DCC: variants seen among roughly 807,000 people sequenced by gnomAD.
DCC encodes DCC netrin 1 receptor.
A neutral mutation model predicts 172.5 loss-of-function variants in DCC; 58 were observed. The ratio of observed to expected loss-of-function variants is 0.34; its 90% CI spans 0.27 to 0.42. The LOEUF is 0.42. Among genes scored for constraint, DCC ranks in the 10% least tolerant of loss-of-function variants. The probability of loss-of-function intolerance (pLI) is 1.00; values close to 1 mark genes in which losing one functional copy is unlikely to be tolerated. For missense variants in DCC, 1,740 were observed against 1,791.0 expected (o/e 0.97, Z 0.51); for synonymous variants, 709 against 644.5 (o/e 1.10, Z -1.52).
chr18:53,235,520 A>G (rs909760228), intron 12 of DCC, among the ~76,000 whole-genome samples: 2 of 152,170 alleles, frequency 1.3e-5, no homozygotes, highest in Non-Finnish European at 2.9e-5. Flanking sequence ...TTGACAGAGA[A>G]AACTATGAAA....
At chr18:52,803,450 T>C (rs200022135) in intron 2 of DCC, among the ~76,000 whole-genome samples, 2 of 152,322 alleles carry the variant, frequency 1.3e-5, no homozygotes, top group Middle Eastern at 3.4e-3. Context: ...CTGCATTCTG[T>C]TTACATTTCT....
intron 2 of DCC, among the ~76,000 whole-genome samples, chr18:52,788,880 G>A (rs772613754): frequency 1.3e-5 from 2 of 152,116 alleles, no homozygotes; most frequent in Non-Finnish European, 2.9e-5. Flanking sequence ...GGAGAAGAGA[G>A]TATGGTAATT....
At chr18:53,362,104 C>T (rs2057954185) in intron 15 of DCC, among the ~76,000 whole-genome samples, 2 of 152,034 alleles carry the variant, frequency 1.3e-5, no homozygotes, top group South Asian at 2.1e-4. Flanking sequence ...TAATTAAATT[C>T]TCAACTGTTA....
chr18:53,206,096 T>A (rs1357648633), intron 10 of DCC, among the ~76,000 whole-genome samples: 2 of 121,506 alleles, frequency 1.6e-5, no homozygotes, highest in Non-Finnish European at 3.6e-5. Flanking sequence ...CGTATATGTA[T>A]TATACATGTA....
chr18:53,013,350 T>C (rs2041758877), intron 5 of DCC, among the ~76,000 whole-genome samples: 1 of 152,068 alleles, frequency 6.6e-6, no homozygotes, highest in South Asian at 2.1e-4. Flanking sequence ...ATATATACCA[T>C]GGAATACTAC....
chr18:52,427,815 T>TTC (rs1987481005), intron 1 of DCC, among the ~76,000 whole-genome samples: 2 of 113,058 alleles, frequency 1.8e-5, no homozygotes, highest in Non-Finnish European at 3.4e-5. Flanking sequence ...TTTCTTCCTT[T>TTC]CTTCCTTCCT....
chr18:52,474,050 T>C (rs1331186122), intron 1 of DCC, among the ~76,000 whole-genome samples: 1 of 152,136 alleles, frequency 6.6e-6, no homozygotes, highest in Non-Finnish European at 1.5e-5. Flanking sequence ...TCAAGTGATA[T>C]AATGCTGCTA....
At chr18:52,512,008 A>C (rs927132110) in intron 1 of DCC, among the ~76,000 whole-genome samples, 8 of 152,206 alleles carry the variant, frequency 5.3e-5, no homozygotes, top group Admixed American at 5.2e-4. Flanking sequence ...CTGAATAAAT[A>C]ACACAAAGAC....
intron 25 of DCC, among the ~76,000 whole-genome samples, chr18:53,479,143 G>GAATA (rs991022147): frequency 1.3e-5 from 2 of 152,152 alleles, no homozygotes; most frequent in Non-Finnish European, 2.9e-5. Context: ...AGAACTGTAG[G>GAATA]AACGGTGGTG....
At chr18:52,748,929 G>T (rs1167135478) in intron 1 of DCC, among the ~76,000 whole-genome samples, 1 of 152,218 alleles carries the variant, frequency 6.6e-6, no homozygotes, top group Non-Finnish European at 1.5e-5. Flanking sequence ...GGACCCATTG[G>T]CTCATGCCTG....
At chr18:52,893,194 G>T (rs1330984068) in intron 2 of DCC, among the ~76,000 whole-genome samples, 1 of 151,862 alleles carries the variant, frequency 6.6e-6, no homozygotes, top group Non-Finnish European at 1.5e-5. Flanking sequence ...TAAAGATTTT[G>T]AATATAGCAC....
At chr18:53,499,004 T>A (rs114905589) in intron 26 of DCC, among the ~76,000 whole-genome samples, 1 of 152,330 alleles carries the variant, frequency 6.6e-6, no homozygotes, top group South Asian at 2.1e-4. Context: ...TCATCACTTA[T>A]GATTAGAGGG....
At chr18:52,498,645 T>TAATAA (rs1210769157) in intron 1 of DCC, among the ~76,000 whole-genome samples, 1 of 151,888 alleles carries the variant, frequency 6.6e-6, no homozygotes, top group African/African-American at 2.4e-5. Context: ...AAATAACATA[T>TAATAA]AATAAAATAA....
At chr18:52,747,954 G>T (rs867980477) in intron 1 of DCC, among the ~76,000 whole-genome samples, 1 of 152,196 alleles carries the variant, frequency 6.6e-6, no homozygotes, top group African/African-American at 2.4e-5. Context: ...AACACGCAGC[G>T]CTCCTGCCTG....
chr18:52,342,688 C>T (rs1011788353), intron 1 of DCC, among the ~76,000 whole-genome samples: 2 of 152,132 alleles, frequency 1.3e-5, no homozygotes, highest in Admixed American at 1.3e-4. Context: ...CACTGCTGAC[C>T]TGAAATGTGC....
At chr18:52,717,490 C>A (rs750171974) in intron 1 of DCC, among the ~76,000 whole-genome samples, 2 of 150,170 alleles carry the variant, frequency 1.3e-5, no homozygotes, top group Admixed American at 6.6e-5. Context: ...TCTGCTACCC[C>A]CAGCCCAGTG....
intron 27 of DCC, among the ~76,000 whole-genome samples, chr18:53,512,253 G>C (rs994200133): frequency 6.6e-5 from 10 of 150,864 alleles, no homozygotes; most frequent in Non-Finnish European, 1.5e-4. Flanking sequence ...TGAGGGTCCT[G>C]TCTGTTAGAA....
intron 1 of DCC, among the ~76,000 whole-genome samples, chr18:52,390,434 C>T (rs1440806661): frequency 1.3e-5 from 2 of 151,992 alleles, no homozygotes; most frequent in Non-Finnish European, 2.9e-5. Context: ...GTTTACCCTG[C>T]CTACAGACAC....
intron 12 of DCC, among the ~76,000 whole-genome samples, chr18:53,290,088 C>T (rs1182477678): frequency 6.6e-6 from 1 of 152,130 alleles, no homozygotes; most frequent in African/African-American, 2.4e-5. Flanking sequence ...TATTTTTAAT[C>T]CAGCAATTCT....
Sources: allele counts gnomAD v4.1 joint callset (sites outside exome capture counted in the v4.1 genomes callset), GRCh38; gene constraint gnomAD v4.1.1; transcripts MANE v1.5; gene names NCBI Gene and HGNC (gene_info 2026-07-23, HGNC 2026-07-21).